The following ISM2 variants were observed in gnomAD, a reference collection of about 807,000 sequenced individuals.
The protein encoded by ISM2 is isthmin 2, also known as isthmin-2.
In ISM2, 50 loss-of-function variants were observed where a neutral mutation model predicts 58.0. The observed-to-expected ratio is 0.86, with a 90% CI of 0.69 to 1.09. ISM2 has a LOEUF of 1.09. Among genes scored for constraint, ISM2 ranks in the 50% least tolerant of loss-of-function variants. ISM2 has a pLI of 0.00. For missense variants in ISM2, 723 were observed against 745.0 expected (o/e 0.97, Z 0.34); for synonymous variants, 303 against 312.4 (o/e 0.97, Z 0.32).
Position 77,493,469 on chromosome 14 carries a change from TTA to T in ISM2, c.141+5182_141+5183del, listed in dbSNP as rs1489978873. Among the ~76,000 whole-genome samples the T allele has an allele frequency of 2.7e-3, 412 of 151,730 alleles. 2 individuals are homozygous for T. Among genetic ancestry groups the T allele is most frequent in the African/African-American group, 9.3e-3 (386 of 41,390 alleles). On this transcript the variant is annotated intron_variant, in intron 1 of 6. Transcript: ENST00000342219. ...TGTTCACAAGGCTAATTATTTATTA[TTA>T]TTTTTTTTGAGAGGGAGTCTTGCTC...
rs1039877504 is a variant in ISM2 at position 77,476,108 on chromosome 14, C to T, written c.1203G>A (p.Val401=). The change falls in exon 7 of 7, where the codon GTG becomes GTA. Residue 401 remains valine (V), a synonymous_variant. Coordinates refer to ENST00000342219, the MANE Select transcript of ISM2 (RefSeq NM_199296.3). ...AGTTCAGCCACTTCTCACAGCTGTC[C>T]ACATCTGCAAAGGGCCACAAAGTGC... The part of the protein sequence containing the change: ...RNATDMHDQD[V]DSCEKWLNCK... 3.3e-6 allele frequency: 5 copies of T among 1,516,712 alleles called. No individual in the cohort carries two copies. In the Admixed American group the frequency reaches 6.1e-5, roughly 18 times the overall value. The allele number at this position is 1,516,712 out of a possible 1,614,324, so 94.0% of individuals were successfully genotyped here.
intron 1 of ISM2, among the ~76,000 whole-genome samples, chr14:77,493,415 G>A (rs1226118104): frequency 6.6e-6 from 1 of 152,088 alleles, no homozygotes; most frequent in Middle Eastern, 3.2e-3. Context: ...TCAGCAACAG[G>A]CCTGCCCAGA....
chr14:77,484,261 C>A, intron 3 of ISM2, 62 bp downstream of exon 3: 1 of 1,573,754 alleles, frequency 6.4e-7, no homozygotes, highest in African/African-American at 1.3e-5. Flanking sequence ...CCTGAGCCCA[C>A]CTTGTCAGCC....
chr14:77,482,558 C>CA lies in ISM2; in HGVS notation c.736dup (p.Trp246LeufsTer38). ...TTTGTAGTCTCCCCAGAGGAAGGACCAGAGGGCGGGCAGCCAGCTAAGGGT... is the reference window on the plus strand; with the variant it reads ...TTTGTAGTCTCCCCAGAGGAAGGACCAAGAGGGCGGGCAGCCAGCTAAGGGT... On this transcript the variant is annotated frameshift_variant, in exon 4 of 7. Coordinates refer to ENST00000342219, the MANE Select transcript of ISM2 (RefSeq NM_199296.3). LOFTEE classifies it high-confidence loss of function. The CA allele has an allele frequency of 6.2e-7, 1 of 1,614,012 alleles. No individual in the cohort carries two copies. The highest frequency in any genetic ancestry group is 8.5e-7 in the Non-Finnish European group (1 of 1,179,946).
At position 77,498,644 on chromosome 14, in the gene ISM2, G is replaced by A. The variant is rs2079264173; in HGVS notation, c.141+9C>T. On this transcript the variant is annotated intron_variant, in intron 1 of 6. Coordinates refer to ENST00000342219, the MANE Select transcript of ISM2 (RefSeq NM_199296.3). ...GCGCGCTCCGCAGCCCGGTGCCGCC[G>A]CCACTCACCTCTGCGAGCCTCGTGA... 1.4e-6 allele frequency: 2 copies of A among 1,447,956 alleles called. No homozygotes were observed. The highest frequency in any genetic ancestry group is 5.3e-5 in the Admixed American group (2 of 38,072). The allele number at this position is 1,447,956 out of a possible 1,614,324, so 89.7% of individuals were successfully genotyped here. A position where few individuals can be genotyped will look rare whatever the true frequency, so the allele number is the denominator to read the frequency against.
chr14:77,482,962 G>A, intron 3 of ISM2: 1 of 301,490 alleles, frequency 3.3e-6, no homozygotes, highest in Admixed American at 5.0e-5. Flanking sequence ...ACACATGCCA[G>A]GGTTGACACT....
chr14:77,481,807 GA>G (rs3075833), intron 4 of ISM2, among the ~76,000 whole-genome samples: 12 of 148,386 alleles, frequency 8.1e-5, no homozygotes, highest in South Asian at 2.1e-4. Context: ...CAGAAAAAAA[GA>G]AAAAAAAAAG....
chr14:77,490,601 C>T (rs1037874352), intron 1 of ISM2, among the ~76,000 whole-genome samples: 1 of 152,198 alleles, frequency 6.6e-6, no homozygotes, highest in African/African-American at 2.4e-5. Flanking sequence ...GCTCTTAAGC[C>T]TTGTGCTTTG....
At chr14:77,492,074 C>T (rs1285374819) in intron 1 of ISM2, among the ~76,000 whole-genome samples, 1 of 151,664 alleles carries the variant, frequency 6.6e-6, no homozygotes, top group Non-Finnish European at 1.5e-5. Flanking sequence ...AATCACAGCT[C>T]ACAGGAGCTG....
At chr14:77,494,884 TTTTA>T (rs149138241) in intron 1 of ISM2, among the ~76,000 whole-genome samples, 10,396 of 152,000 alleles carry the variant, frequency 0.068, 529 homozygotes, top group Admixed American at 0.16. Flanking sequence ...TCTTTTTTCA[TTTTA>T]TTTATTTATT....
In ISM2 at chr14:77,475,836, C is replaced by A. The variant is rs756097538; in HGVS notation, c.1475G>T (p.Cys492Phe). Residue 492 changes from cysteine (C) to phenylalanine (F), a missense_variant, in exon 7 of 7, where the codon TGC becomes TTC. Coordinates refer to ENST00000342219, the MANE Select transcript of ISM2 (RefSeq NM_199296.3). The surrounding 1 kb of genome is among the most constrained non-coding windows in gnomAD (Gnocchi z 4.1). Reference sequence around the variant, plus strand: ...CAGCCGGCTGTCCTCGTCATAGCAGCAGTGCTGGGCGGCCAGTGTGCTGCT... The same window carrying A: ...CAGCCGGCTGTCCTCGTCATAGCAGAAGTGCTGGGCGGCCAGTGTGCTGCT... ...GESSTLAAQH[C>F]CYDEDSRLLT... 1 of 1,611,522 alleles carries A rather than the reference C, an allele frequency of 6.2e-7. No individual in the cohort carries two copies. Among genetic ancestry groups the A allele is most frequent in the Non-Finnish European group, 8.5e-7 (1 of 1,179,712 alleles).
intron 1 of ISM2, among the ~76,000 whole-genome samples, chr14:77,492,900 C>CA (rs2079214980): frequency 6.6e-6 from 1 of 152,030 alleles, no homozygotes; most frequent in African/African-American, 2.4e-5. Flanking sequence ...AAGGCTGAGG[C>CA]AGGAGAATCG....
chr14:77,480,586 C>T (rs1465201802), intron 4 of ISM2, among the ~76,000 whole-genome samples: 2 of 130,684 alleles, frequency 1.5e-5, no homozygotes, highest in Non-Finnish European at 3.1e-5. Context: ...GAGACAGGGT[C>T]TCGCTCTGTC....
chr14:77,476,297 C>T (rs1490867267), intron 6 of ISM2, among the ~76,000 whole-genome samples, 185 bp from the exon 7 acceptor site: 2 of 152,230 alleles, frequency 1.3e-5, no homozygotes, highest in Admixed American at 6.5e-5. Context: ...CAACCTGAAG[C>T]AAGAAGCTCT....
intron 1 of ISM2, among the ~76,000 whole-genome samples, chr14:77,493,068 G>C (rs1005662585): frequency 2.0e-5 from 3 of 151,402 alleles, no homozygotes; most frequent in Non-Finnish European, 4.4e-5. Flanking sequence ...ATCAATCACA[G>C]CTCACTGTAG....
At chr14:77,490,235 G>A (rs961059837) in intron 1 of ISM2, among the ~76,000 whole-genome samples, 5 of 152,124 alleles carry the variant, frequency 3.3e-5, no homozygotes, top group African/African-American at 7.2e-5. Context: ...TTGACTTCGT[G>A]ATCCGCCCGC....
chr14:77,486,291 A>C (rs1323517742), intron 1 of ISM2, among the ~76,000 whole-genome samples: 1 of 152,090 alleles, frequency 6.6e-6, no homozygotes, highest in East Asian at 1.9e-4. Context: ...GAAAGTTTGG[A>C]AACAGATTCA....
rs1400323337 is a variant in ISM2 at position 77,482,378 on chromosome 14, C to CA, written c.916dup (p.Trp306LeufsTer22). On this transcript the variant is annotated frameshift_variant, in exon 4 of 7. Transcript: ENST00000342219. LOFTEE classifies it high-confidence loss of function. The stretch of plus-strand genomic sequence containing the variant: ...CCCGGGGGCCAGCCAGCCCTGGTCC[C>CA]AGTTGTCTGTAGTTCCATTGAACCA... The CA allele has an allele frequency of 1.9e-6, 3 of 1,614,056 alleles. No homozygotes were observed. The highest frequency in any genetic ancestry group is 2.5e-6 in the Non-Finnish European group (3 of 1,180,032).
chr14:77,480,491 G>A (rs557768260), intron 4 of ISM2, among the ~76,000 whole-genome samples: 4 of 150,480 alleles, frequency 2.7e-5, no homozygotes, highest in South Asian at 2.1e-4. Flanking sequence ...CAGCACTGGC[G>A]CCAAGAGTTT....
Sources: gnomAD v4.1 joint callset for allele counts (sites outside exome capture counted in the v4.1 genomes callset) on GRCh38, gnomAD v4.1.1 for gene constraint, Gnocchi (gnomAD v3.1) non-coding constraint, MANE v1.5 for transcripts, NCBI Gene and HGNC (gene_info 2026-07-23, HGNC 2026-07-21) for gene names.